DLGAP2: variants seen among roughly 807,000 people sequenced by gnomAD.
DLGAP2 encodes the protein disks large-associated protein 2.
In DLGAP2, 26 loss-of-function variants were observed where a neutral mutation model predicts 100.3. The ratio of observed to expected loss-of-function variants is 0.26; its 90% confidence interval spans 0.19 to 0.36. DLGAP2 has a LOEUF of 0.36. Among genes scored for constraint, DLGAP2 ranks in the 10% least tolerant of loss-of-function variants. DLGAP2 has a pLI of 1.00. For missense variants in DLGAP2, 1,858 were observed against 1,453.2 expected (o/e 1.28, Z -4.53); for synonymous variants, 886 against 630.1 (o/e 1.41, Z -6.08).
intron 3 of DLGAP2, among the ~76,000 whole-genome samples, chr8:1,415,146 G>T (rs189047461): frequency 6.6e-6 from 1 of 152,170 alleles, no homozygotes; most frequent in African/African-American, 2.4e-5. Flanking sequence ...ACACACATGC[G>T]TACAAACAGG....
intron 3 of DLGAP2, among the ~76,000 whole-genome samples, chr8:1,454,649 C>A (rs1329732402): frequency 6.6e-6 from 1 of 152,142 alleles, no homozygotes; most frequent in Admixed American, 6.5e-5. Context: ...CTGGATATTT[C>A]CAAAAACTCA....
intron 1 of DLGAP2, among the ~76,000 whole-genome samples, chr8:775,448 C>T (rs1237024237): frequency 2.9e-4 from 40 of 140,214 alleles, no homozygotes; most frequent in South Asian, 1.2e-3. Flanking sequence ...GGGAATGCTT[C>T]CAGTTTTTGC....
At chr8:1,383,930 C>T (rs1202911906) in intron 3 of DLGAP2, among the ~76,000 whole-genome samples, 1 of 152,220 alleles carries the variant, frequency 6.6e-6, no homozygotes, top group African/African-American at 2.4e-5. Flanking sequence ...CTCCCATTCT[C>T]TTCTCCGATG....
At chr8:917,166 A>G (rs1034685902) in intron 2 of DLGAP2, among the ~76,000 whole-genome samples, 5 of 151,866 alleles carry the variant, frequency 3.3e-5, no homozygotes, top group African/African-American at 9.7e-5. Context: ...CCTTTTGCCT[A>G]TTTTACCCAC....
chr8:1,123,873 T>A (rs1005837852), intron 2 of DLGAP2, among the ~76,000 whole-genome samples: 2 of 152,134 alleles, frequency 1.3e-5, no homozygotes, highest in Non-Finnish European at 2.9e-5. Context: ...TGCCTAAAAA[T>A]TATTTTATTT....
At chr8:1,030,013 G>T (rs1332804950) in intron 2 of DLGAP2, among the ~76,000 whole-genome samples, 1 of 152,192 alleles carries the variant, frequency 6.6e-6, no homozygotes, top group Non-Finnish European at 1.5e-5. Flanking sequence ...GCACCCAGGG[G>T]AGGAGCCATG....
intron 2 of DLGAP2, among the ~76,000 whole-genome samples, chr8:961,282 C>T (rs1301034573): frequency 6.6e-6 from 1 of 152,172 alleles, no homozygotes; most frequent in African/African-American, 2.4e-5. Flanking sequence ...TCAGTCATTC[C>T]AGAACTGTGT....
At chr8:1,136,945 T>G (rs1440779652) in intron 2 of DLGAP2, among the ~76,000 whole-genome samples, 3 of 152,344 alleles carry the variant, frequency 2.0e-5, no homozygotes, top group African/African-American at 7.2e-5. Context: ...TCAACTTGTG[T>G]GTAGTATGTC....
intron 2 of DLGAP2, among the ~76,000 whole-genome samples, chr8:1,066,761 C>T (rs1194565340): frequency 6.6e-6 from 1 of 152,250 alleles, no homozygotes; most frequent in Admixed American, 6.5e-5. Flanking sequence ...ACACGCGGCA[C>T]CTCCGTCCCT....
intron 2 of DLGAP2, among the ~76,000 whole-genome samples, chr8:1,207,393 C>T (rs116452531): frequency 1.1e-4 from 17 of 152,268 alleles, no homozygotes; most frequent in African/African-American, 3.6e-4. Context: ...TCCAGGCTGC[C>T]GCAAATGCCA....
In DLGAP2 at chr8:768,418, ATTTTTTT is replaced by A. The variant is rs58234397; in HGVS notation, c.18+30610_18+30616del. On this transcript the variant is annotated intron_variant, in intron 1 of 14. Transcript: ENST00000637795. ...GCATGAACCAGGAGGGAAGGCGTTGATTTTTTTTTTTTTTTTTTTTTTTCTGACATGA... is the reference window on the plus strand; with the variant it reads ...GCATGAACCAGGAGGGAAGGCGTTGATTTTTTTTTTTTTTTTCTGACATGA... Among the ~76,000 whole-genome samples the A allele has an allele frequency of 2.0e-4, 20 of 99,960 alleles. No homozygotes were observed. In the East Asian group the frequency reaches 4.7e-3, roughly 23 times the overall value. The allele number at this position is 99,960 out of a possible 152,430, so 65.6% of individuals were successfully genotyped here. A position where few individuals can be genotyped will look rare whatever the true frequency, so the allele number is the denominator to read the frequency against.
intron 6 of DLGAP2, among the ~76,000 whole-genome samples, chr8:1,577,924 T>C (rs977622172): frequency 1.2e-4 from 18 of 152,212 alleles, no homozygotes; most frequent in African/African-American, 4.1e-4. Flanking sequence ...CGAGTGCTCA[T>C]AGCTGCCAGA....
chr8:1,337,426 G>GTGATGATGTTGATGGTGA (rs1189501545), intron 3 of DLGAP2, among the ~76,000 whole-genome samples: 1 of 26,188 alleles, frequency 3.8e-5, no homozygotes, highest in African/African-American at 6.5e-5. Flanking sequence ...GAGGATGATG[G>GTGATGATGTTGATGGTGA]TGATGGTGAT....
chr8:750,527 T>C (rs370945129), intron 1 of DLGAP2, among the ~76,000 whole-genome samples: 1 of 152,196 alleles, frequency 6.6e-6, no homozygotes, highest in Non-Finnish European at 1.5e-5. Context: ...AGCCAATATT[T>C]CAGTTAATAA....
chr8:830,017 T>G (rs1796752181), intron 1 of DLGAP2, among the ~76,000 whole-genome samples: 1 of 152,222 alleles, frequency 6.6e-6, no homozygotes, highest in Admixed American at 6.5e-5. Flanking sequence ...GGAATAGCTC[T>G]TTGGACTTAA....
chr8:1,267,149 G>A lies in DLGAP2; in HGVS notation c.106+8266G>A, dbSNP rs746953480. The stretch of plus-strand genomic sequence containing the variant: ...CCTGAGACTGAGGCAGGAGAATGGC[G>A]TGAACCAGGGAGGCGGAGCTTGCAG... On this transcript the variant is annotated intron_variant, in intron 3 of 14. Coordinates refer to ENST00000637795, the MANE Select transcript of DLGAP2 (RefSeq NM_001346810.2). Among the ~76,000 whole-genome samples the A allele has an allele frequency of 2.5e-4, 38 of 151,744 alleles. 1 individual carries two copies. Among genetic ancestry groups the A allele is most frequent in the Non-Finnish European group, 7.4e-5 (5 of 67,982 alleles).
At chr8:951,609 C>T (rs757577740) in intron 2 of DLGAP2, among the ~76,000 whole-genome samples, 1 of 152,302 alleles carries the variant, frequency 6.6e-6, no homozygotes, top group African/African-American at 2.4e-5. Context: ...TTATTGCGTT[C>T]ATGAAGCTTT....
At chr8:1,141,902 C>A (rs1796528376) in intron 2 of DLGAP2, among the ~76,000 whole-genome samples, 1 of 151,910 alleles carries the variant, frequency 6.6e-6, no homozygotes, top group Non-Finnish European at 1.5e-5. Flanking sequence ...TCAAAAATTT[C>A]TGAAATGAAC....
intron 6 of DLGAP2, among the ~76,000 whole-genome samples, chr8:1,602,264 T>C (rs767241775): frequency 6.6e-6 from 1 of 152,238 alleles, no homozygotes; most frequent in African/African-American, 2.4e-5. Context: ...TTATTTCTAA[T>C]TAATGACATT....
Sources: gnomAD v4.1 joint callset for allele counts (sites outside exome capture counted in the v4.1 genomes callset) on GRCh38, gnomAD v4.1.1 for gene constraint, MANE v1.5 for transcripts, NCBI Gene and HGNC (gene_info 2026-07-23, HGNC 2026-07-21) for gene names.